The following GBE1 variants were observed in gnomAD, a reference collection of about 807,000 sequenced individuals.
GBE1 encodes the protein 1,4-alpha-glucan-branching enzyme.
Under a neutral mutation model 88.8 loss-of-function variants are expected in GBE1, and 70 were observed. The ratio of observed to expected loss-of-function variants is 0.79; its 90% confidence interval spans 0.65 to 0.96. The LOEUF is 0.96. Among genes scored for constraint, GBE1 ranks in the 40% least tolerant of loss-of-function variants. The pLI, the probability that GBE1 is intolerant of heterozygous loss-of-function variation, is 0.00. For missense variants in GBE1, 872 were observed against 871.0 expected (o/e 1.00, Z -0.01); for synonymous variants, 284 against 300.1 (o/e 0.95, Z 0.56).
intron 1 of GBE1, among the ~76,000 whole-genome samples, chr3:81,729,128 A>G (rs138886253): frequency 6.6e-6 from 1 of 152,278 alleles, no homozygotes; most frequent in Non-Finnish European, 1.5e-5. Context: ...CAAACCCTCA[A>G]AATGAACTTG....
At chr3:81,497,316 A>AGT (rs894776831) in intron 15 of GBE1, among the ~76,000 whole-genome samples, 4 of 152,186 alleles carry the variant, frequency 2.6e-5, no homozygotes, top group Non-Finnish European at 5.9e-5. Flanking sequence ...GGAAACACTT[A>AGT]GTATATTGAC....
intron 3 of GBE1, among the ~76,000 whole-genome samples, chr3:81,651,496 T>G (rs1049815177): frequency 6.6e-6 from 1 of 152,190 alleles, no homozygotes; most frequent in African/African-American, 2.4e-5. Context: ...CGCCAGGTGT[T>G]GCTATTATTC....
intron 14 of GBE1, among the ~76,000 whole-genome samples, chr3:81,507,171 A>G (rs1371261502): frequency 1.3e-5 from 2 of 151,968 alleles, no homozygotes; most frequent in Non-Finnish European, 2.9e-5. Context: ...TGGAATATCC[A>G]GTTAGTTTTT....
At chr3:81,623,257 C>A (rs115544303) in intron 7 of GBE1, among the ~76,000 whole-genome samples, 1,535 of 152,312 alleles carry the variant, frequency 0.01, 27 homozygotes, top group African/African-American at 0.034. Context: ...ACACACCAAC[C>A]CCACTGCCCC....
At chr3:81,631,882 C>T (rs1472695075) in intron 7 of GBE1, among the ~76,000 whole-genome samples, 1 of 151,972 alleles carries the variant, frequency 6.6e-6, no homozygotes, top group East Asian at 1.9e-4. Flanking sequence ...TATACATGTG[C>T]CGTGGTCATC....
At chr3:81,701,996 G>GA (rs1255220012) in intron 2 of GBE1, among the ~76,000 whole-genome samples, 4 of 144,630 alleles carry the variant, frequency 2.8e-5, no homozygotes, top group East Asian at 4.1e-4. Context: ...AAAAAAAAAA[G>GA]AAAAAAAATC....
intron 7 of GBE1, among the ~76,000 whole-genome samples, chr3:81,617,975 A>G (rs751999745): frequency 9.9e-5 from 15 of 152,032 alleles, no homozygotes; most frequent in Non-Finnish European, 2.1e-4. Flanking sequence ...CATTTCATCT[A>G]AATTACCAAA....
At position 81,705,612 on chromosome 3, in the gene GBE1, A is replaced by T; in HGVS notation, c.145T>A (p.Tyr49Asn). The T allele has an allele frequency of 6.5e-7, 1 of 1,527,354 alleles. No homozygotes were observed. 94.6% of individuals were successfully genotyped at this position (1,527,354 alleles called of 1,614,324 possible). The change falls in exon 2 of 16, where the codon TAT becomes AAT. Residue 49 changes from tyrosine (Y) to asparagine (N), a missense_variant and splice_region_variant. Coordinates refer to ENST00000429644, the MANE Select transcript of GBE1 (RefSeq NM_000158.4). ...KPYAVDFQRR[Y>N]KQFSQILKNI... ...TTCAAAATTTGGCTAAACTGCTTAT[A>T]CCTTTGAAGAAGTATGAAAGAAAAT...
At chr3:81,654,525 C>G (rs2107084031) in intron 3 of GBE1, 1 of 152,200 alleles carries the variant, frequency 6.6e-6, no homozygotes, top group African/African-American at 2.4e-5. Flanking sequence ...GAATGTAGCT[C>G]TAGGCTTCAT....
intron 1 of GBE1, among the ~76,000 whole-genome samples, chr3:81,711,025 A>C (rs982898954): frequency 1.3e-5 from 2 of 152,210 alleles, no homozygotes; most frequent in Non-Finnish European, 2.9e-5. Flanking sequence ...ATAGGTATGA[A>C]AACAAAATGA....
Position 81,718,886 on chromosome 3 carries a change from C to T in GBE1, c.144-13273G>A, listed in dbSNP as rs138229187. On this transcript the variant is annotated intron_variant, in intron 1 of 15. Coordinates refer to ENST00000429644, the MANE Select transcript of GBE1 (RefSeq NM_000158.4). ...CTGACCTCAGGTGATCCGCCCACCT[C>T]GACCTCCCAAAGTGCTGGGATTATA... Among the ~76,000 whole-genome samples the T allele has an allele frequency of 5.1e-3, 770 of 152,202 alleles. 2 individuals are homozygous for T. The highest frequency in any genetic ancestry group is 0.018 in the African/African-American group (734 of 41,528).
At chr3:81,507,285 C>T (rs1302433350) in intron 14 of GBE1, among the ~76,000 whole-genome samples, 2 of 151,666 alleles carry the variant, frequency 1.3e-5, no homozygotes, top group Non-Finnish European at 2.9e-5. Flanking sequence ...GAGAACTTGC[C>T]CGGGCGCAGT....
At chr3:81,541,450 G>GC (rs11456624) in intron 12 of GBE1, among the ~76,000 whole-genome samples, 19,604 of 144,470 alleles carry the variant, frequency 0.14, 1,466 homozygotes, top group Non-Finnish European at 0.17. Context: ...GCTGCAAGTT[G>GC]CCCCCCCCGC....
At chr3:81,623,851 A>G (rs538890102) in intron 7 of GBE1, among the ~76,000 whole-genome samples, 18 of 152,194 alleles carry the variant, frequency 1.2e-4, no homozygotes, top group African/African-American at 4.1e-4. Context: ...CATTTTTTAA[A>G]TAAAGATGGG....
At chr3:81,695,319 T>A (rs1705575711) in intron 2 of GBE1, among the ~76,000 whole-genome samples, 1 of 152,226 alleles carries the variant, frequency 6.6e-6, no homozygotes, top group Non-Finnish European at 1.5e-5. Flanking sequence ...TATTTGGCCA[T>A]AAAGAGTACT....
chr3:81,585,998 T>C, intron 10 of GBE1, 94 bp downstream of exon 10: 2 of 694,856 alleles, frequency 2.9e-6, no homozygotes, highest in Non-Finnish European at 4.8e-6. Flanking sequence ...AATTATAATA[T>C]CTGTAACTAA....
At chr3:81,507,681 T>C (rs1028825159) in intron 14 of GBE1, among the ~76,000 whole-genome samples, 3 of 142,884 alleles carry the variant, frequency 2.1e-5, no homozygotes, top group African/African-American at 7.5e-5. Context: ...TGTGTGTATA[T>C]ATATATGTGT....
intron 14 of GBE1, among the ~76,000 whole-genome samples, chr3:81,501,829 T>G (rs1702590296): frequency 6.6e-6 from 1 of 150,908 alleles, no homozygotes; most frequent in Non-Finnish European, 1.5e-5. Context: ...TCTCAAGTAG[T>G]TGAGATCACA....
Position 81,499,178 on chromosome 3 carries a change from T to G in GBE1, c.1984A>C (p.Arg662=). ...AAAAAGTCAGTGCTGTGGTCCAGTC[T>G]CTGATGCCCTCCATATTCCGCTGCA... ...SDAAEYGGHQ[R]LDHSTDFFSE... is the part of the protein sequence containing the mutation. Residue 662 remains arginine (R), a synonymous_variant, in exon 15 of 16, where the codon AGA becomes CGA. Coordinates refer to ENST00000429644, the MANE Select transcript of GBE1 (RefSeq NM_000158.4). The G allele has an allele frequency of 6.2e-7, 1 of 1,612,094 alleles. No homozygotes were observed. The highest frequency in any genetic ancestry group is 8.5e-7 in the Non-Finnish European group (1 of 1,178,934).
Sources: gnomAD v4.1 joint callset for allele counts (sites outside exome capture counted in the v4.1 genomes callset) on GRCh38, gnomAD v4.1.1 for gene constraint, MANE v1.5 for transcripts, NCBI Gene and HGNC (gene_info 2026-07-23, HGNC 2026-07-21) for gene names.